The following RNF180 variants were observed in gnomAD, a reference collection of about 807,000 sequenced individuals.
RNF180 encodes the protein ring finger protein 180, also known as E3 ubiquitin-protein ligase RNF180.
Under a neutral mutation model 59.2 loss-of-function variants are expected in RNF180, and 38 were observed. The ratio of observed to expected loss-of-function variants is 0.64; its 90% CI spans 0.50 to 0.84. RNF180 has a LOEUF of 0.84. RNF180 is among the 40% of genes least tolerant of loss of function. The pLI, the probability that RNF180 is intolerant of heterozygous loss-of-function variation, is 0.00. For missense variants in RNF180, 705 were observed against 700.9 expected (o/e 1.01, Z -0.07); for synonymous variants, 262 against 240.3 (o/e 1.09, Z -0.84).
At chr5:64,354,596 A>G (rs1335568989) in intron 7 of RNF180, among the ~76,000 whole-genome samples, 4 of 151,900 alleles carry the variant, frequency 2.6e-5, no homozygotes, top group Non-Finnish European at 5.9e-5. Flanking sequence ...GATTCATTCT[A>G]TGAGGACAAC....
chr5:64,339,839 ATAAG>A (rs1380256659), intron 7 of RNF180, among the ~76,000 whole-genome samples: 1 of 152,202 alleles, frequency 6.6e-6, no homozygotes, highest in Admixed American at 6.5e-5. Context: ...TACATAATCA[ATAAG>A]TAAGCAGACG....
At chr5:64,198,311 A>G (rs919713648) in intron 1 of RNF180, among the ~76,000 whole-genome samples, 7 of 152,160 alleles carry the variant, frequency 4.6e-5, no homozygotes, top group Non-Finnish European at 7.4e-5. Flanking sequence ...GCTCAGATCT[A>G]TGAAGAGTGA....
intron 6 of RNF180, 69 bp from the exon 7 acceptor site, chr5:64,330,212 C>T: frequency 9.6e-7 from 1 of 1,040,574 alleles, no homozygotes; most frequent in Admixed American, 2.3e-5. Flanking sequence ...CTACAGTATT[C>T]ACTTGTCATT....
chr5:64,270,527 A>C (rs1287431711), intron 5 of RNF180, among the ~76,000 whole-genome samples: 4 of 152,122 alleles, frequency 2.6e-5, no homozygotes, highest in Non-Finnish European at 4.4e-5. Flanking sequence ...CTGTTTATGT[A>C]TATAGTCTCA....
Position 64,187,104 on chromosome 5 carries a change from C to G in RNF180, c.1-13704C>G, listed in dbSNP as rs149242268. Among the ~76,000 whole-genome samples, 182 of 152,226 alleles carry G rather than the reference C, an allele frequency of 1.2e-3. 3 individuals carry two copies. Among genetic ancestry groups the G allele is most frequent in the Admixed American group, 0.011 (173 of 15,284 alleles). The stretch of plus-strand genomic sequence containing the variant: ...TATTTTATAATTCTTAAAGATGTCA[C>G]TTGGATTGAAATACTGCAGTGGGCA... On this transcript the variant is annotated intron_variant, in intron 1 of 7. Transcript: ENST00000389100.
chr5:64,275,833 A>G (rs1423798262), intron 5 of RNF180, among the ~76,000 whole-genome samples: 2 of 152,012 alleles, frequency 1.3e-5, no homozygotes, highest in African/African-American at 4.8e-5. Context: ...TTTACTCAGT[A>G]CTAAATCAGT....
intron 2 of RNF180, among the ~76,000 whole-genome samples, chr5:64,201,483 G>A (rs1751745995): frequency 6.6e-6 from 1 of 152,184 alleles, no homozygotes; most frequent in Non-Finnish European, 1.5e-5. Context: ...TTCTCTAAGA[G>A]CAGTATCAAA....
chr5:64,198,460 T>G (rs1211808932), intron 1 of RNF180, among the ~76,000 whole-genome samples: 1 of 152,198 alleles, frequency 6.6e-6, no homozygotes, highest in Non-Finnish European at 1.5e-5. Flanking sequence ...ACGAAAGCAT[T>G]GTCACACAGA....
At chr5:64,188,796 G>A (rs1024773379) in intron 1 of RNF180, among the ~76,000 whole-genome samples, 8 of 152,048 alleles carry the variant, frequency 5.3e-5, no homozygotes, top group Admixed American at 4.6e-4. Context: ...TCTAATAATG[G>A]CAAAATTGGG....
intron 5 of RNF180, among the ~76,000 whole-genome samples, chr5:64,271,268 A>G (rs2112352745): frequency 6.6e-6 from 1 of 152,076 alleles, no homozygotes; most frequent in East Asian, 1.9e-4. Flanking sequence ...TTTTAATTAA[A>G]CTGAACCCTC....
At chr5:64,328,039 G>A (rs1744731066) in intron 6 of RNF180, among the ~76,000 whole-genome samples, 1 of 152,100 alleles carries the variant, frequency 6.6e-6, no homozygotes, top group South Asian at 2.1e-4. Flanking sequence ...GGAGGAAGAG[G>A]GAGAGGAAAA....
Position 64,330,352 on chromosome 5 carries a change from A to G in RNF180, c.1525A>G (p.Asn509Asp). Residue 509 changes from asparagine to aspartate, a missense_variant, in exon 7 of 8, where the codon AAC (asparagine) becomes GAC (aspartate). Physicochemically the swap from Asn to Asp is conservative, Grantham distance 23. Transcript: ENST00000389100. ...AATAAAACAAAGCTTTCAGAAATCC[A>G]ACTCTGCAAAATGGCCCCTACCAAG... ...LKIKQSFQKS[N>D]SAKWPLPSCR... 6.5e-7 allele frequency: 1 copy of G among 1,546,206 alleles called. No homozygotes were observed. Among genetic ancestry groups the G allele is most frequent in the South Asian group, 1.2e-5 (1 of 82,140 alleles).
intron 1 of RNF180, among the ~76,000 whole-genome samples, chr5:64,173,034 G>A (rs1172094830): frequency 6.6e-6 from 1 of 152,190 alleles, no homozygotes; most frequent in Non-Finnish European, 1.5e-5. Flanking sequence ...CTTAGATCCA[G>A]ACAAATTGCC....
chr5:64,231,749 G>C (rs1742113455), intron 5 of RNF180, among the ~76,000 whole-genome samples: 1 of 152,136 alleles, frequency 6.6e-6, no homozygotes, highest in Non-Finnish European at 1.5e-5. Flanking sequence ...CCATCTCCTT[G>C]ATGCAGTGCT....
intron 2 of RNF180, among the ~76,000 whole-genome samples, chr5:64,211,604 C>G (rs960669333): frequency 2.0e-5 from 3 of 152,098 alleles, no homozygotes; most frequent in African/African-American, 7.2e-5. Flanking sequence ...GTAGTGTGTC[C>G]TGAATCCCAT....
At chr5:64,336,564 G>A (rs991224895) in intron 7 of RNF180, among the ~76,000 whole-genome samples, 1 of 152,168 alleles carries the variant, frequency 6.6e-6, no homozygotes, top group Non-Finnish European at 1.5e-5. Flanking sequence ...CAAATGACTA[G>A]CCTAGACACC....
chr5:64,227,906 C>G (rs116811017), intron 5 of RNF180, among the ~76,000 whole-genome samples: 192 of 152,290 alleles, frequency 1.3e-3, no homozygotes, highest in African/African-American at 4.5e-3. Flanking sequence ...TCTCATTGCT[C>G]CATGTCTGCC....
At chr5:64,222,925 T>A (rs147845322) in intron 5 of RNF180, among the ~76,000 whole-genome samples, 53 of 151,216 alleles carry the variant, frequency 3.5e-4, no homozygotes, top group African/African-American at 8.2e-4. Context: ...GATGTTAACT[T>A]GAGAATGTTT....
At chr5:64,193,971 G>C (rs1342936138) in intron 1 of RNF180, among the ~76,000 whole-genome samples, 2 of 152,106 alleles carry the variant, frequency 1.3e-5, no homozygotes. Context: ...GAGGAAAAGA[G>C]GGAAAGGAAG....
Sources: gnomAD v4.1 joint callset for allele counts (sites outside exome capture counted in the v4.1 genomes callset) on GRCh38, gnomAD v4.1.1 for gene constraint, MANE v1.5 for transcripts, NCBI Gene and HGNC (gene_info 2026-07-23, HGNC 2026-07-21) for gene names.